The following CTNNA2 variants were observed in gnomAD, a reference collection of about 807,000 sequenced individuals.
CTNNA2 encodes the protein catenin alpha 2, also known as catenin alpha-2.
Under a neutral mutation model 101.0 loss-of-function variants are expected in CTNNA2, and 42 were observed. That is an observed-to-expected ratio of 0.42 (90% CI 0.32 to 0.54). The LOEUF (loss-of-function observed/expected upper bound fraction) is 0.54. Ranked by LOEUF, CTNNA2 falls within the 20% of genes least tolerant of loss-of-function variation. CTNNA2 has a pLI of 0.14. For synonymous variants in CTNNA2, 450 were observed against 456.4 expected, an observed-to-expected ratio of 0.99 and a Z score of 0.18; for missense variants, 871 against 1,223.1, an observed-to-expected ratio of 0.71 and a Z score of 4.29.
chr2:80,436,713 A>G (rs1682068683), intron 9 of CTNNA2, among the ~76,000 whole-genome samples: 1 of 152,120 alleles, frequency 6.6e-6, no homozygotes, highest in South Asian at 2.1e-4. Context: ...TCTCTGCTTC[A>G]AAGATGGAGG....
intron 7 of CTNNA2, among the ~76,000 whole-genome samples, chr2:79,922,129 AT>A (rs1156930415): frequency 6.6e-6 from 1 of 152,128 alleles, no homozygotes; most frequent in Non-Finnish European, 1.5e-5. Context: ...CGTTTTCTTA[AT>A]CACATTTTCA....
chr2:80,029,090 G>A (rs749689142), intron 7 of CTNNA2, among the ~76,000 whole-genome samples: 9 of 152,122 alleles, frequency 5.9e-5, no homozygotes, highest in African/African-American at 2.2e-4. Context: ...TAATGGAAAG[G>A]GCTTATCTAG....
At chr2:80,647,242 A>G (rs942524548) in intron 18 of CTNNA2, among the ~76,000 whole-genome samples, 3 of 152,110 alleles carry the variant, frequency 2.0e-5, no homozygotes, top group Non-Finnish European at 2.9e-5. Flanking sequence ...GGGCCATAAA[A>G]TTGAGAGGTA....
intron 1 of CTNNA2, among the ~76,000 whole-genome samples, chr2:79,535,977 C>G (rs188646168): frequency 6.6e-6 from 1 of 152,290 alleles, no homozygotes; most frequent in Non-Finnish European, 1.5e-5. Context: ...CTCTCAAGCT[C>G]TTTTCTGATT....
At chr2:79,587,952 C>T (rs781305471) in intron 1 of CTNNA2, among the ~76,000 whole-genome samples, 2 of 152,102 alleles carry the variant, frequency 1.3e-5, no homozygotes, top group African/African-American at 2.4e-5. Context: ...GATTTAAGAT[C>T]GTTTATCTTG....
chr2:79,818,625 C>A (rs1454326942), intron 3 of CTNNA2, among the ~76,000 whole-genome samples: 1 of 151,540 alleles, frequency 6.6e-6, no homozygotes, highest in East Asian at 2.0e-4. Flanking sequence ...TGTGATTTAC[C>A]TTTAAAAGAC....
intron 7 of CTNNA2, among the ~76,000 whole-genome samples, chr2:80,225,412 G>T (rs896047471): frequency 3.9e-5 from 6 of 152,110 alleles, no homozygotes; most frequent in Non-Finnish European, 7.4e-5. Context: ...ACAGACTGAT[G>T]CTGTGAAATC....
intron 2 of CTNNA2, among the ~76,000 whole-genome samples, chr2:79,303,433 T>C (rs928434402): frequency 2.6e-5 from 4 of 152,194 alleles, no homozygotes; most frequent in African/African-American, 9.6e-5. Flanking sequence ...ATTCCTGCCC[T>C]GCCCTAATGA....
intron 7 of CTNNA2, among the ~76,000 whole-genome samples, chr2:80,023,635 C>A (rs1694726681): frequency 6.6e-6 from 1 of 152,268 alleles, no homozygotes; most frequent in African/African-American, 2.4e-5. Flanking sequence ...CACAGTAACT[C>A]TTTATGGTAT....
chr2:80,087,449 A>T (rs1187794271), intron 7 of CTNNA2, among the ~76,000 whole-genome samples: 2 of 152,054 alleles, frequency 1.3e-5, no homozygotes, highest in African/African-American at 4.8e-5. Flanking sequence ...GTAACAGCTT[A>T]ATCCATAAGC....
chr2:79,894,063 T>TTCTTCTTCTTCCTCC (rs772035711), intron 6 of CTNNA2, among the ~76,000 whole-genome samples: 1 of 61,320 alleles, frequency 1.6e-5, no homozygotes, highest in African/African-American at 6.1e-5. Flanking sequence ...CTTCTTCTTC[T>TTCTTCTTCTTCCTCC]TCCTCCTCCT....
In CTNNA2 at chr2:79,864,597, A is replaced by G. The variant is rs571764087; in HGVS notation, c.466-5219A>G. 4.6e-5 allele frequency among the ~76,000 whole-genome samples: 7 copies of G among 152,326 alleles called. No individual in the cohort carries two copies. The South Asian group carries it at 1.4e-3, about 32-fold the overall frequency. On this transcript the variant is annotated intron_variant, in intron 4 of 18. Coordinates refer to ENST00000402739, the MANE Select transcript of CTNNA2 (RefSeq NM_001282597.3). ...CTGTTGAAATTATCTAGGCCAATGA[A>G]TGAATGAAAAGCTGGCTAAGACAAT...
At chr2:79,528,222 T>A (rs77059480) in intron 1 of CTNNA2, among the ~76,000 whole-genome samples, 1 of 151,220 alleles carries the variant, frequency 6.6e-6, no homozygotes, top group African/African-American at 2.4e-5. Context: ...CTTTTTTTTT[T>A]GGAGACACGG....
At chr2:79,831,013 C>T (rs1678886601) in intron 3 of CTNNA2, among the ~76,000 whole-genome samples, 1 of 152,152 alleles carries the variant, frequency 6.6e-6, no homozygotes, top group Admixed American at 6.6e-5. Flanking sequence ...ACAAATATGA[C>T]ATTGCCATTC....
intron 3 of CTNNA2, among the ~76,000 whole-genome samples, chr2:79,323,339 A>C (rs957694983): frequency 1.3e-5 from 2 of 152,180 alleles, no homozygotes; most frequent in Admixed American, 1.3e-4. Flanking sequence ...GTGCATGGAT[A>C]ATTTTTCCTA....
chr2:79,274,004 T>A (rs1451425014), intron 2 of CTNNA2, among the ~76,000 whole-genome samples: 1 of 152,092 alleles, frequency 6.6e-6, no homozygotes, highest in African/African-American at 2.4e-5. Flanking sequence ...GTTCTAATTT[T>A]TTTGTTTGTT....
At chr2:79,955,718 A>G (rs1013667948) in intron 7 of CTNNA2, among the ~76,000 whole-genome samples, 5 of 152,004 alleles carry the variant, frequency 3.3e-5, no homozygotes, top group Admixed American at 6.6e-5. Context: ...GTCTGCCTAT[A>G]TTTCCCAGGC....
chr2:79,842,562 C>CTTAGAG (rs1679905111), intron 3 of CTNNA2, among the ~76,000 whole-genome samples: 1 of 152,158 alleles, frequency 6.6e-6, no homozygotes, highest in Non-Finnish European at 1.5e-5. Context: ...TAACAGTACA[C>CTTAGAG]CCTTGGCTTA....
At chr2:80,545,389 A>G (rs1163769628) in intron 10 of CTNNA2, among the ~76,000 whole-genome samples, 1 of 151,160 alleles carries the variant, frequency 6.6e-6, no homozygotes, top group Non-Finnish European at 1.5e-5. Context: ...TCTACAAAAA[A>G]ATAAACTAGC....
Sources: allele counts gnomAD v4.1 joint callset (sites outside exome capture counted in the v4.1 genomes callset), GRCh38; gene constraint gnomAD v4.1.1; transcripts MANE v1.5; gene names NCBI Gene and HGNC (gene_info 2026-07-23, HGNC 2026-07-21).